TENM2: variants seen among roughly 807,000 people sequenced by gnomAD.
TENM2 encodes teneurin-2.
TENM2 carries 52 observed loss-of-function variants against 245.2 expected under a neutral mutation model. That is an observed-to-expected ratio of 0.21 (90% CI 0.17 to 0.27). The LOEUF is 0.27. Among genes scored for constraint, TENM2 ranks in the 10% least tolerant of loss-of-function variants. The pLI is 1.00. For missense variants in TENM2, 3,046 were observed against 3,666.8 expected (o/e 0.83, Z 4.37); for synonymous variants, 1,363 against 1,438.9 (o/e 0.95, Z 1.19).
chr5:167,515,793 G>A (rs1770341849), intron 2 of TENM2, among the ~76,000 whole-genome samples: 1 of 151,436 alleles, frequency 6.6e-6, no homozygotes, highest in South Asian at 2.1e-4. Context: ...AGCCTCCTGA[G>A]TAGCTGGGAC....
chr5:168,116,825 A>T (rs2617972), intron 9 of TENM2, among the ~76,000 whole-genome samples: 2 of 152,034 alleles, frequency 1.3e-5, no homozygotes, highest in African/African-American at 4.8e-5. Context: ...GCCATCGCTG[A>T]GTGGCACAGG....
chr5:167,708,293 A>G (rs1758674598), intron 2 of TENM2, among the ~76,000 whole-genome samples: 1 of 152,120 alleles, frequency 6.6e-6, no homozygotes, highest in Non-Finnish European at 1.5e-5. Flanking sequence ...CATACCTTTT[A>G]GATACAAATA....
chr5:168,222,094 T>C (rs1763719831), intron 23 of TENM2, among the ~76,000 whole-genome samples: 1 of 152,224 alleles, frequency 6.6e-6, no homozygotes, highest in Admixed American at 6.5e-5. Context: ...GTCTCCTTCC[T>C]ACCCCTCAGG....
At chr5:168,219,918 C>G (rs1763525169) in intron 23 of TENM2, among the ~76,000 whole-genome samples, 1 of 150,394 alleles carries the variant, frequency 6.6e-6, no homozygotes, top group African/African-American at 2.5e-5. Context: ...TGTTTACTTC[C>G]TGTTTGTATG....
chr5:166,999,574 G>A, the TENM2 span, among the ~76,000 whole-genome samples: 181 of 152,172 alleles, frequency 1.2e-3, no homozygotes, highest in Middle Eastern at 0.031. Flanking sequence ...TGGAAAGAAG[G>A]CAAGGGATCT....
chr5:167,426,131 A>G (rs1763806115), intron 2 of TENM2, among the ~76,000 whole-genome samples: 1 of 152,186 alleles, frequency 6.6e-6, no homozygotes, highest in South Asian at 2.1e-4. Flanking sequence ...ACGCCAAGCC[A>G]CAGAGGAGTA....
chr5:167,939,416 T>A (rs1206049425), intron 3 of TENM2, among the ~76,000 whole-genome samples: 1 of 152,182 alleles, frequency 6.6e-6, no homozygotes, highest in Non-Finnish European at 1.5e-5. Flanking sequence ...TGCTGCCCAG[T>A]TCCTGTACTG....
chr5:167,124,481 A>G, the TENM2 span, among the ~76,000 whole-genome samples: 1 of 152,216 alleles, frequency 6.6e-6, no homozygotes, highest in Non-Finnish European at 1.5e-5. Context: ...GGCATTCAAT[A>G]TACAACTCTA....
intron 17 of TENM2, among the ~76,000 whole-genome samples, chr5:168,201,190 T>C (rs913790722): frequency 6.6e-6 from 1 of 151,912 alleles, no homozygotes; most frequent in African/African-American, 2.4e-5. Context: ...CATCAGTGAG[T>C]GGTGTTAACT....
At chr5:167,743,239 A>G (rs1390982140) in intron 2 of TENM2, among the ~76,000 whole-genome samples, 1 of 152,140 alleles carries the variant, frequency 6.6e-6, no homozygotes, top group African/African-American at 2.4e-5. Flanking sequence ...CAGTTAATGC[A>G]TAATGTCTCC....
At chr5:167,105,482 C>T in the TENM2 span, among the ~76,000 whole-genome samples, 13 of 152,248 alleles carry the variant, frequency 8.5e-5, no homozygotes, top group South Asian at 1.9e-3. Context: ...TCTAACACCA[C>T]GCCTAGTTAA....
At chr5:167,015,538 G>A in the TENM2 span, among the ~76,000 whole-genome samples, 1 of 151,964 alleles carries the variant, frequency 6.6e-6, no homozygotes, top group Non-Finnish European at 1.5e-5. Context: ...AGAATTACTG[G>A]GTCATCTTCT....
intron 2 of TENM2, among the ~76,000 whole-genome samples, chr5:167,814,522 T>C (rs1045659486): frequency 2.6e-5 from 4 of 151,384 alleles, no homozygotes; most frequent in African/African-American, 9.7e-5. Context: ...GATAAAATTT[T>C]ATCTAGGACA....
intron 4 of TENM2, among the ~76,000 whole-genome samples, chr5:167,956,714 C>T (rs1209237700): frequency 6.6e-6 from 1 of 152,146 alleles, no homozygotes; most frequent in Non-Finnish European, 1.5e-5. Context: ...GCCTTTTCTG[C>T]ATCTATTGAG....
At chr5:167,171,936 T>A in the TENM2 span, among the ~76,000 whole-genome samples, 1 of 152,158 alleles carries the variant, frequency 6.6e-6, no homozygotes, top group Non-Finnish European at 1.5e-5. Context: ...AAGATCTTTT[T>A]AAAGGCTTAT....
rs1034780140 is a variant in TENM2, at chr5:167,881,542, G to A, written c.712+5347G>A. Among the ~76,000 whole-genome samples, 5 of 152,140 alleles carry A rather than the reference G, an allele frequency of 3.3e-5. No individual in the cohort carries two copies. The South Asian group carries it at 1.0e-3, about 32-fold the overall frequency. On this transcript the variant is annotated intron_variant, in intron 3 of 28. Transcript: ENST00000518659. The stretch of plus-strand genomic sequence containing the variant: ...TTTTCACTCTTGATTTTGGGGTCAG[G>A]ATATCAAGTGCAAACATCATTCACT...
intron 25 of TENM2, among the ~76,000 whole-genome samples, chr5:168,238,863 G>T (rs1395311543): frequency 6.6e-6 from 1 of 152,126 alleles, no homozygotes; most frequent in African/African-American, 2.4e-5. Flanking sequence ...GAAAATGCCC[G>T]ATAATTAAAA....
chr5:167,856,169 T>C lies in TENM2; in HGVS notation c.503-19817T>C, dbSNP rs375580659. On this transcript the variant is annotated intron_variant, in intron 2 of 28. Coordinates refer to ENST00000518659, the Ensembl canonical transcript of TENM2. ...CAATGTGACCCGTTTTCTGGGATCA[T>C]AGGAGAAATAAGTGGGAACACAGAG... 2.6e-5 allele frequency among the ~76,000 whole-genome samples: 4 copies of C among 152,108 alleles called. No homozygotes were observed. The East Asian group carries it at 5.8e-4, about 22-fold the overall frequency.
chr5:167,222,096 G>T, the TENM2 span, among the ~76,000 whole-genome samples: 1 of 152,098 alleles, frequency 6.6e-6, no homozygotes, highest in African/African-American at 2.4e-5. Flanking sequence ...AAAAAAATTG[G>T]CCCAGCTGAA....
Sources: allele counts gnomAD v4.1 joint callset (sites outside exome capture counted in the v4.1 genomes callset), GRCh38; gene constraint gnomAD v4.1.1; transcripts MANE v1.5; gene names NCBI Gene and HGNC (gene_info 2026-07-23, HGNC 2026-07-21).